The following DCP1B variants were observed in gnomAD, a reference collection of about 807,000 sequenced individuals.
DCP1B encodes decapping mRNA 1B.
A neutral mutation model predicts 60.5 loss-of-function variants in DCP1B; 47 were observed. The observed-to-expected ratio is 0.78, with a 90% CI of 0.61 to 0.99. DCP1B has a LOEUF of 0.99. Among genes scored for constraint, DCP1B ranks in the 50% least tolerant of loss-of-function variants. The pLI, the probability that DCP1B is intolerant of heterozygous loss-of-function variation, is 0.00. For missense variants in DCP1B, 725 were observed against 756.8 expected, an observed-to-expected ratio of 0.96 and a Z score of 0.49; for synonymous variants, 267 against 280.3, an observed-to-expected ratio of 0.95 and a Z score of 0.47.
chr12:1,991,448 G>A, intron 3 of DCP1B: 1 of 213,556 alleles, frequency 4.7e-6, no homozygotes, highest in Non-Finnish European at 9.7e-6. Flanking sequence ...AAAATACAAA[G>A]AAGCAAGTGA....
In DCP1B at chr12:1,971,322, C is replaced by A; in HGVS notation, c.320-3412G>T. ...AAGAACTCATCTCTCCATATTTAAT[C>A]AGGATTTACCACACACCGTTGTAAA... On this transcript the variant is annotated intron_variant, in intron 3 of 8. Coordinates refer to ENST00000280665, the MANE Select transcript of DCP1B (RefSeq NM_152640.5). This position sits in a 1 kb window ranked among gnomAD's most constrained non-coding sequence, Gnocchi z 4.2. 1 of 489,266 alleles carries A rather than the reference C, an allele frequency of 2.0e-6. No homozygotes were observed. The highest frequency in any genetic ancestry group is 3.3e-6 in the Non-Finnish European group (1 of 304,524). 30.3% of individuals were successfully genotyped at this position (489,266 alleles called of 1,614,324 possible). A position where few individuals can be genotyped will look rare whatever the true frequency, so the allele number is the denominator to read the frequency against.
intron 3 of DCP1B, among the ~76,000 whole-genome samples, chr12:1,984,524 A>T (rs1269612659): frequency 6.6e-6 from 1 of 151,904 alleles, no homozygotes; most frequent in Non-Finnish European, 1.5e-5. Flanking sequence ...CTCTCTTTTT[A>T]TGTTATAGTT....
chr12:1,965,126 T>C lies in DCP1B; in HGVS notation c.522+432A>G, dbSNP rs1359608653. Among the ~76,000 whole-genome samples the C allele has an allele frequency of 3.3e-5, 5 of 152,216 alleles. No individual in the cohort carries two copies. In the East Asian group the frequency reaches 9.6e-4, roughly 29 times the overall value. ...TTCTTATCCAACAACAGGGTGTATA[T>C]TTCCATTTGTTTGAGTCTATTTTTA... On this transcript the variant is annotated intron_variant, in intron 5 of 8. Coordinates refer to ENST00000280665, the MANE Select transcript of DCP1B (RefSeq NM_152640.5).
At chr12:1,986,801 G>T (rs1272555281) in intron 3 of DCP1B, among the ~76,000 whole-genome samples, 1 of 152,160 alleles carries the variant, frequency 6.6e-6, no homozygotes, top group Non-Finnish European at 1.5e-5. Flanking sequence ...TCCTCAGTGT[G>T]TCTGTTGTCA....
chr12:1,997,523 T>C (rs2041228991), intron 2 of DCP1B, among the ~76,000 whole-genome samples: 1 of 152,040 alleles, frequency 6.6e-6, no homozygotes, highest in Non-Finnish European at 1.5e-5. Context: ...CGAGACTCCA[T>C]CTCAAAAAAA....
intron 3 of DCP1B, among the ~76,000 whole-genome samples, chr12:1,973,342 C>A (rs2033158132): frequency 6.6e-6 from 1 of 152,112 alleles, no homozygotes; most frequent in Non-Finnish European, 1.5e-5. Flanking sequence ...TTGGGGGAAA[C>A]AGTAGAAACA....
At chr12:2,002,707 T>C (rs945598101) in intron 1 of DCP1B, among the ~76,000 whole-genome samples, 2 of 152,216 alleles carry the variant, frequency 1.3e-5, no homozygotes, top group African/African-American at 2.4e-5. Context: ...TACAGAACTA[T>C]ACATCCCTGG....
At chr12:1,945,574 C>T (rs763541234), downstream of DCP1B, among the ~76,000 whole-genome samples, 8 of 152,232 alleles carry the variant, frequency 5.3e-5, no homozygotes, top group Non-Finnish European at 1.0e-4. Context: ...TATCAAGACA[C>T]ATGCACACGT....
At position 1,955,548 on chromosome 12, in the gene DCP1B, A is replaced by G. The variant is rs779133059; in HGVS notation, c.535T>C (p.Ser179Pro). The change falls in exon 6 of 9, where the codon TCT becomes CCT. Residue 179 changes from serine (S) to proline (P), a missense_variant. By Grantham distance (74) the Ser-to-Pro change is moderately conservative. Coordinates refer to ENST00000280665, the MANE Select transcript of DCP1B (RefSeq NM_152640.5). ...GAACTGGTTATCTTTTTTGGCTCAG[A>G]ACAGGTTTTACACTGAAATAGAAAA... is the stretch of plus-strand genomic sequence containing the variant. ...KDEYTKCKTC[S>P]EPKKITSSSA... 3.7e-6 allele frequency: 6 copies of G among 1,613,228 alleles called. No homozygotes were observed. The highest frequency in any genetic ancestry group is 2.5e-6 in the Non-Finnish European group (3 of 1,179,416).
chr12:1,967,806 A>T, intron 4 of DCP1B, 38 bp downstream of exon 4: 1 of 1,564,040 alleles, frequency 6.4e-7, no homozygotes. Flanking sequence ...AAACAAAAGC[A>T]CCAGGTCCTG....
chr12:1,989,229 T>C (rs1370410317), intron 3 of DCP1B, among the ~76,000 whole-genome samples: 1 of 152,080 alleles, frequency 6.6e-6, no homozygotes, highest in African/African-American at 2.4e-5. Flanking sequence ...AAAAAGGTTG[T>C]TTTAAATTAT....
chr12:1,978,040 T>C (rs932997555), intron 3 of DCP1B, among the ~76,000 whole-genome samples: 16 of 152,194 alleles, frequency 1.1e-4, no homozygotes, highest in African/African-American at 3.1e-4. Flanking sequence ...TTTAAAAAAA[T>C]TGACTCTCAA....
rs1036718496 is a variant in DCP1B at position 1,948,400 on chromosome 12, A to G, written c.1773+686T>C. Among the ~76,000 whole-genome samples, 2 of 152,218 alleles carry G rather than the reference A, an allele frequency of 1.3e-5. No individual in the cohort carries two copies. The highest frequency in any genetic ancestry group is 1.3e-4 in the Admixed American group (2 of 15,290). ...GCTCAGCCTCAGTTTCCTTGTCTGTAGAATGGGAAAAATAACAGGGTTGTT... is the reference window on the plus strand; with the variant it reads ...GCTCAGCCTCAGTTTCCTTGTCTGTGGAATGGGAAAAATAACAGGGTTGTT... On this transcript the variant is annotated intron_variant, in intron 8 of 8. Coordinates refer to ENST00000280665, the MANE Select transcript of DCP1B (RefSeq NM_152640.5). The surrounding 1 kb of genome is among the most constrained non-coding windows in gnomAD (Gnocchi z 4.8).
intron 1 of DCP1B, among the ~76,000 whole-genome samples, chr12:2,002,767 C>T (rs900179995): frequency 5.3e-5 from 8 of 152,186 alleles, no homozygotes; most frequent in African/African-American, 1.9e-4. Context: ...TAACATTATA[C>T]CTTTAGCATT....
chr12:1,961,729 G>A (rs1049831667), intron 5 of DCP1B, among the ~76,000 whole-genome samples: 4 of 152,276 alleles, frequency 2.6e-5, no homozygotes, highest in Middle Eastern at 3.4e-3. Flanking sequence ...AAAACTCCAC[G>A]TAAAAAGTGT....
intron 3 of DCP1B, among the ~76,000 whole-genome samples, chr12:1,974,002 T>C (rs1279572997): frequency 6.6e-6 from 1 of 152,176 alleles, no homozygotes; most frequent in Non-Finnish European, 1.5e-5. Flanking sequence ...TGTATATCCT[T>C]GTAGTAAAAA....
At chr12:1,973,102 C>T (rs967776929) in intron 3 of DCP1B, among the ~76,000 whole-genome samples, 7 of 152,208 alleles carry the variant, frequency 4.6e-5, no homozygotes, top group Admixed American at 2.0e-4. Flanking sequence ...TCACCTTCTG[C>T]GTTAGCTTTA....
chr12:1,996,208 ACT>A (rs1452802332), intron 2 of DCP1B, among the ~76,000 whole-genome samples: 1 of 152,146 alleles, frequency 6.6e-6, no homozygotes, highest in Admixed American at 6.5e-5. Flanking sequence ...AAGTGAATAC[ACT>A]GACTTTCCCC....
At chr12:1,958,048 AGGGGAAAAG>A (rs2030955484) in intron 5 of DCP1B, among the ~76,000 whole-genome samples, 1 of 150,920 alleles carries the variant, frequency 6.6e-6, no homozygotes, top group African/African-American at 2.4e-5. Context: ...GGAAGGAAAC[AGGGGAAAAG>A]CTCCCCAACG....
Sources: allele counts gnomAD v4.1 joint callset (sites outside exome capture counted in the v4.1 genomes callset), GRCh38; gene constraint gnomAD v4.1.1; non-coding constraint Gnocchi (gnomAD v3.1); transcripts MANE v1.5; gene names NCBI Gene and HGNC (gene_info 2026-07-23, HGNC 2026-07-21).